The following MACROD2 variants were observed in gnomAD, a reference collection of about 807,000 sequenced individuals.
MACROD2 encodes the protein mono-ADP ribosylhydrolase 2.
In MACROD2, 36 loss-of-function variants were observed where a neutral mutation model predicts 70.4. That is an observed-to-expected ratio of 0.51 (90% CI 0.39 to 0.68). The LOEUF (loss-of-function observed/expected upper bound fraction) is 0.68. Among genes scored for constraint, MACROD2 ranks in the 30% least tolerant of loss-of-function variants. The pLI is 0.00. For missense variants in MACROD2, 496 were observed against 538.4 expected (o/e 0.92, Z 0.78); for synonymous variants, 172 against 178.8 (o/e 0.96, Z 0.30).
In MACROD2 at chr20:15,601,458, A is replaced by C. The variant is rs189226302; in HGVS notation, c.645+101611A>C. ...AAAGAAAATTTAAGTTCACACCTTC[A>C]TGCAAAAAAAAAGAAAAAATCATAC... is the stretch of plus-strand genomic sequence containing the variant. On this transcript the variant is annotated intron_variant, in intron 8 of 17. Coordinates refer to ENST00000684519, the MANE Select transcript of MACROD2 (RefSeq NM_001351661.2). 5.7e-3 allele frequency among the ~76,000 whole-genome samples: 856 copies of C among 151,102 alleles called. 10 individuals are homozygous for C. Among genetic ancestry groups the C allele is most frequent in the African/African-American group, 0.02 (800 of 40,504 alleles).
rs368462059 is a variant in MACROD2 at position 15,620,864 on chromosome 20, G to T, written c.645+121017G>T. 2.2e-4 allele frequency among the ~76,000 whole-genome samples: 33 copies of T among 152,220 alleles called. No homozygotes were observed. The South Asian group carries it at 5.8e-3, about 27-fold the overall frequency. On this transcript the variant is annotated intron_variant, in intron 8 of 17. Transcript: ENST00000684519. The stretch of plus-strand genomic sequence containing the variant: ...CAGACTCACACATAACTAAGGCAGT[G>T]CTATAAGGAGTAGAAATAATAACTG...
At position 14,326,865 on chromosome 20, in the gene MACROD2, A is replaced by G; in HGVS notation, c.272-166614A>G. The G allele has an allele frequency of 1.2e-6, 2 of 1,613,760 alleles. No individual in the cohort carries two copies. The highest frequency in any genetic ancestry group is 2.2e-5 in the East Asian group (1 of 44,858). On this transcript the variant is annotated intron_variant, in intron 3 of 17. Coordinates refer to ENST00000684519, the MANE Select transcript of MACROD2 (RefSeq NM_001351661.2). The surrounding 1 kb of genome is among the most constrained non-coding windows in gnomAD (Gnocchi z 5.5). ...TGAAGAAAACTTTGTCACCTAAACC[A>G]TGATTGTTCAACAGGTTTCCATCTA...
intron 5 of MACROD2, among the ~76,000 whole-genome samples, chr20:14,741,831 T>A (rs1486268790): frequency 6.6e-6 from 1 of 151,966 alleles, no homozygotes; most frequent in Admixed American, 6.6e-5. Flanking sequence ...CCCATTGGAT[T>A]AAAAAAAATC....
intron 5 of MACROD2, among the ~76,000 whole-genome samples, chr20:14,986,298 T>A (rs2074848161): frequency 6.6e-6 from 1 of 152,174 alleles, no homozygotes; most frequent in Non-Finnish European, 1.5e-5. Context: ...GGCATTTCTT[T>A]ATGACCCCCA....
chr20:14,894,785 C>A (rs574470011), intron 5 of MACROD2: 4 of 152,160 alleles, frequency 2.6e-5, no homozygotes, highest in South Asian at 2.1e-4. Flanking sequence ...GATTTCAGAT[C>A]TTGTGTGTGT....
chr20:14,139,347 A>G (rs937028049), intron 3 of MACROD2, among the ~76,000 whole-genome samples: 1 of 152,208 alleles, frequency 6.6e-6, no homozygotes, highest in Non-Finnish European at 1.5e-5. Flanking sequence ...TTATAGATGA[A>G]GAAAGGCAAA....
At chr20:15,658,668 C>G (rs1170154116) in intron 8 of MACROD2, among the ~76,000 whole-genome samples, 1 of 152,168 alleles carries the variant, frequency 6.6e-6, no homozygotes, top group African/African-American at 2.4e-5. Context: ...CCCACTAGCC[C>G]CCTACGGGCT....
intron 8 of MACROD2, among the ~76,000 whole-genome samples, chr20:15,645,238 A>G (rs2049523174): frequency 6.6e-6 from 1 of 152,128 alleles, no homozygotes; most frequent in Non-Finnish European, 1.5e-5. Flanking sequence ...ACAGTCAATG[A>G]CCCAGAGGCA....
chr20:15,804,993 G>T (rs1025598312), intron 8 of MACROD2, among the ~76,000 whole-genome samples: 1 of 152,146 alleles, frequency 6.6e-6, no homozygotes, highest in South Asian at 2.1e-4. Context: ...GATTGCACTC[G>T]CGTTGCCCAC....
chr20:15,093,493 G>T (rs2075807049), intron 5 of MACROD2, among the ~76,000 whole-genome samples: 1 of 151,940 alleles, frequency 6.6e-6, no homozygotes, highest in Admixed American at 6.6e-5. Context: ...CCTATGAACT[G>T]CTCTACTCAT....
intron 3 of MACROD2, among the ~76,000 whole-genome samples, chr20:14,423,964 G>C (rs938607881): frequency 2.0e-5 from 3 of 151,714 alleles, no homozygotes; most frequent in Admixed American, 2.0e-4. Context: ...GTTTCTCCGT[G>C]TTGGTCAGGC....
At chr20:15,245,545 C>T (rs1007832694) in intron 6 of MACROD2, among the ~76,000 whole-genome samples, 41 of 152,172 alleles carry the variant, frequency 2.7e-4, no homozygotes, top group African/African-American at 9.6e-4. Flanking sequence ...CAAATACAGA[C>T]AGTCCCTTAC....
At chr20:14,341,512 G>A (rs1157120305) in intron 3 of MACROD2, among the ~76,000 whole-genome samples, 2 of 152,148 alleles carry the variant, frequency 1.3e-5, no homozygotes, top group African/African-American at 4.8e-5. Flanking sequence ...GGTGGCACGT[G>A]CCTGTAATCC....
intron 3 of MACROD2, among the ~76,000 whole-genome samples, chr20:14,110,808 C>A (rs1379956001): frequency 1.3e-5 from 2 of 151,926 alleles, no homozygotes; most frequent in Non-Finnish European, 2.9e-5. Context: ...CCAAAGCAAT[C>A]TATAGATTCA....
At chr20:15,108,536 G>A (rs985895896) in intron 5 of MACROD2, among the ~76,000 whole-genome samples, 5 of 151,990 alleles carry the variant, frequency 3.3e-5, no homozygotes, top group Admixed American at 6.6e-5. Flanking sequence ...TTTCACTGCC[G>A]ATTTCCTTCT....
chr20:15,019,317 A>G (rs1431998955), intron 5 of MACROD2, among the ~76,000 whole-genome samples: 3 of 152,216 alleles, frequency 2.0e-5, no homozygotes, highest in African/African-American at 4.8e-5. Flanking sequence ...TAACCCTTTT[A>G]TAAGTCAAAA....
chr20:15,066,544 G>C (rs1263407018), intron 5 of MACROD2, among the ~76,000 whole-genome samples: 1 of 152,070 alleles, frequency 6.6e-6, no homozygotes, highest in African/African-American at 2.4e-5. Context: ...AATGACACTA[G>C]GAAAAATACT....
chr20:15,576,421 T>C (rs1051418478), intron 8 of MACROD2, among the ~76,000 whole-genome samples: 2 of 152,198 alleles, frequency 1.3e-5, no homozygotes, highest in Non-Finnish European at 2.9e-5. Flanking sequence ...TGCATCTCCA[T>C]CATGCTAAAG....
chr20:14,605,345 G>A (rs1982736331), intron 4 of MACROD2, among the ~76,000 whole-genome samples: 1 of 152,050 alleles, frequency 6.6e-6, no homozygotes, highest in Non-Finnish European at 1.5e-5. Flanking sequence ...CGTAGATGGT[G>A]TTCTCCCTAT....
Sources: gnomAD v4.1 joint callset for allele counts (sites outside exome capture counted in the v4.1 genomes callset) on GRCh38, gnomAD v4.1.1 for gene constraint, Gnocchi (gnomAD v3.1) non-coding constraint, MANE v1.5 for transcripts, NCBI Gene and HGNC (gene_info 2026-07-23, HGNC 2026-07-21) for gene names.